DCC: variants seen among roughly 807,000 people sequenced by gnomAD.
The protein encoded by DCC is netrin receptor DCC.
Under a neutral mutation model 172.5 loss-of-function variants are expected in DCC, and 58 were observed. The ratio of observed to expected loss-of-function variants is 0.34; its 90% CI spans 0.27 to 0.42. The LOEUF (loss-of-function observed/expected upper bound fraction) is 0.42, where lower values mean the gene tolerates loss of function less well. Among genes scored for constraint, DCC ranks in the 10% least tolerant of loss-of-function variants. The pLI is 1.00. For missense variants in DCC, 1,740 were observed against 1,791.0 expected, an observed-to-expected ratio of 0.97 and a Z score of 0.51; for synonymous variants, 709 against 644.5, an observed-to-expected ratio of 1.10 and a Z score of -1.52.
intron 2 of DCC, among the ~76,000 whole-genome samples, chr18:52,805,062 GCTT>G (rs1469983025): frequency 6.6e-6 from 1 of 151,964 alleles, no homozygotes; most frequent in Non-Finnish European, 1.5e-5. Flanking sequence ...GTGAGCCTTT[GCTT>G]CTTCATCTCT....
chr18:53,294,434 A>C (rs2057042528), intron 12 of DCC, among the ~76,000 whole-genome samples: 1 of 152,194 alleles, frequency 6.6e-6, no homozygotes, highest in Non-Finnish European at 1.5e-5. Flanking sequence ...GGAGTCAAAA[A>C]GACTGAAGAG....
intron 5 of DCC, among the ~76,000 whole-genome samples, chr18:52,949,256 C>T (rs8096420): frequency 0.012 from 1,887 of 152,260 alleles, 41 homozygotes; most frequent in African/African-American, 0.041. Flanking sequence ...CTTTGTATCT[C>T]ACATAAGCCT....
intron 1 of DCC, among the ~76,000 whole-genome samples, chr18:52,558,138 A>G (rs534829498): frequency 2.6e-5 from 4 of 152,044 alleles, no homozygotes; most frequent in Non-Finnish European, 4.4e-5. Flanking sequence ...TCATGTAGAC[A>G]TAACTGTTTA....
intron 2 of DCC, among the ~76,000 whole-genome samples, chr18:52,896,429 A>G (rs977750238): frequency 6.6e-6 from 1 of 152,206 alleles, no homozygotes; most frequent in African/African-American, 2.4e-5. Context: ...CAGAGCTAAG[A>G]TGAAAGATAG....
rs115396679 is a variant in DCC at position 52,510,777 on chromosome 18, C to A, written c.91+169899C>A. Among the ~76,000 whole-genome samples the A allele has an allele frequency of 3.3e-3, 502 of 152,194 alleles. 4 individuals are homozygous for A. The highest frequency in any genetic ancestry group is 0.012 in the African/African-American group (484 of 41,528). ...TCTTCCCTGGAACACTACTTCTGAG[C>A]GTGAAAGGGTCTTCCCAGAATCTCT... On this transcript the variant is annotated intron_variant, in intron 1 of 28. Coordinates refer to ENST00000442544, the MANE Select transcript of DCC (RefSeq NM_005215.4).
In DCC at chr18:52,428,149, T is replaced by C. The variant is rs1283963647; in HGVS notation, c.91+87271T>C. On this transcript the variant is annotated intron_variant, in intron 1 of 28. Coordinates refer to ENST00000442544, the MANE Select transcript of DCC (RefSeq NM_005215.4). ...CTGCAGCCCCTTCTTTCTCCCTTAG[T>C]TCTACTTCCACTAAAATTGCCTCTC... Among the ~76,000 whole-genome samples, 3 of 152,094 alleles carry C rather than the reference T, an allele frequency of 2.0e-5. No homozygotes were observed. In the East Asian group the frequency reaches 5.8e-4, roughly 29 times the overall value.
intron 8 of DCC, among the ~76,000 whole-genome samples, chr18:53,174,600 C>G (rs1368704205): frequency 2.7e-5 from 4 of 150,768 alleles, no homozygotes; most frequent in African/African-American, 9.8e-5. Flanking sequence ...TTCCTTGACA[C>G]ATACACTCTC....
chr18:53,179,174 C>G (rs2055155987), intron 9 of DCC, 58 bp downstream of exon 9: 1 of 1,516,080 alleles, frequency 6.6e-7, no homozygotes, highest in African/African-American at 1.4e-5. Context: ...TCTGCAATAT[C>G]CTTGAATTCT....
intron 1 of DCC, among the ~76,000 whole-genome samples, chr18:52,529,317 G>A (rs966759727): frequency 6.6e-6 from 1 of 152,174 alleles, no homozygotes; most frequent in Non-Finnish European, 1.5e-5. Context: ...TTGAAACGGA[G>A]TCTCGCTCTG....
chr18:52,952,009 T>A (rs2040656125), intron 5 of DCC, among the ~76,000 whole-genome samples: 1 of 152,180 alleles, frequency 6.6e-6, no homozygotes, highest in Non-Finnish European at 1.5e-5. Flanking sequence ...TAGATGTAGA[T>A]AAAATTATTG....
intron 5 of DCC, among the ~76,000 whole-genome samples, chr18:52,962,088 A>G (rs1284077479): frequency 6.6e-6 from 1 of 150,926 alleles, no homozygotes; most frequent in Non-Finnish European, 1.5e-5. Context: ...CAATGGCAAC[A>G]AAAGCCAAAA....
intron 15 of DCC, among the ~76,000 whole-genome samples, chr18:53,346,422 A>T (rs2057726009): frequency 6.6e-6 from 1 of 152,144 alleles, no homozygotes; most frequent in Non-Finnish European, 1.5e-5. Flanking sequence ...TATTTTAGAC[A>T]TTTGAATTTT....
chr18:53,486,822 A>G lies in DCC; in HGVS notation c.3762A>G (p.Pro1254=). 1 of 1,614,176 alleles carries G rather than the reference A, an allele frequency of 6.2e-7. No individual in the cohort carries two copies. Among genetic ancestry groups the G allele is most frequent in the Non-Finnish European group, 8.5e-7 (1 of 1,180,028 alleles). Residue 1254 remains proline (P), a synonymous_variant, in exon 26 of 29, where the codon CCA becomes CCG. Transcript: ENST00000442544. ...NPAVVSAIPV[P]TLESAQYPGI... is the part of the protein sequence containing the mutation. ...CTGTCGTGAGCGCCATCCCGGTGCC[A>G]ACGCTAGAAAGTGCCCAGTACCCAG...
chr18:52,752,023 G>A (rs2037002270), intron 1 of DCC, 31 bp from the exon 2 acceptor site: 3 of 1,583,068 alleles, frequency 1.9e-6, no homozygotes, highest in South Asian at 2.2e-5. Context: ...TTGAATACAT[G>A]AACATATTTC....
chr18:53,218,005 C>T (rs1258211756), intron 12 of DCC, among the ~76,000 whole-genome samples: 1 of 151,946 alleles, frequency 6.6e-6, no homozygotes, highest in Admixed American at 6.6e-5. Flanking sequence ...ACCACCATGA[C>T]TGACTAATTT....
intron 1 of DCC, among the ~76,000 whole-genome samples, chr18:52,588,838 C>T (rs1359559118): frequency 6.6e-6 from 1 of 151,836 alleles, no homozygotes; most frequent in Non-Finnish European, 1.5e-5. Context: ...CATTAAAGAG[C>T]TTTATACCAA....
At chr18:53,114,262 C>G (rs995942263) in intron 7 of DCC, among the ~76,000 whole-genome samples, 21 of 151,182 alleles carry the variant, frequency 1.4e-4, no homozygotes, top group African/African-American at 3.6e-4. Context: ...CCCCCCCACC[C>G]CAAGTAATGT....
chr18:53,243,392 A>G (rs975410962), intron 12 of DCC, among the ~76,000 whole-genome samples: 1 of 152,164 alleles, frequency 6.6e-6, no homozygotes, highest in Admixed American at 6.6e-5. Flanking sequence ...TGTCTTTAGC[A>G]ATCACGTTTT....
In DCC at chr18:53,532,837, C is replaced by A. The variant is rs1175653033; in HGVS notation, c.*2184C>A. 1.3e-5 allele frequency: 2 copies of A among 148,684 alleles called. No homozygotes were observed. The highest frequency in any genetic ancestry group is 4.0e-4 in the East Asian group (2 of 5,050). The allele number at this position is 148,684 out of a possible 1,614,324, so 9.2% of individuals were successfully genotyped here. A position where few individuals can be genotyped will look rare whatever the true frequency, so the allele number is the denominator to read the frequency against. Reference sequence around the variant, plus strand: ...TGACCAATTAAAAAAAAAAAAAAAACCTATCATTTTCACAAATTTCTAGAT... The same window carrying A: ...TGACCAATTAAAAAAAAAAAAAAAAACTATCATTTTCACAAATTTCTAGAT... On this transcript the variant is annotated 3_prime_UTR_variant, in exon 29 of 29. Transcript: ENST00000442544.
Sources: gnomAD v4.1 joint callset for allele counts (sites outside exome capture counted in the v4.1 genomes callset) on GRCh38, gnomAD v4.1.1 for gene constraint, MANE v1.5 for transcripts, NCBI Gene and HGNC (gene_info 2026-07-23, HGNC 2026-07-21) for gene names.